ZNF469: variants seen among roughly 807,000 people sequenced by gnomAD.
ZNF469 encodes the protein zinc finger protein 469.
In ZNF469, 1 loss-of-function variant was observed where a neutral mutation model predicts 1.0. The observed-to-expected ratio is 1.00, with a 90% confidence interval of 0.35 to 4.73. The LOEUF (loss-of-function observed/expected upper bound fraction) is 4.73, where lower values mean the gene tolerates loss of function less well. ZNF469 is among the 30% of genes most tolerant of loss of function. The pLI is 0.16. For synonymous variants in ZNF469, 2,703 were observed against 2,363.4 expected, an observed-to-expected ratio of 1.14 and a Z score of -4.17; for missense variants, 6,100 against 5,356.3, an observed-to-expected ratio of 1.14 and a Z score of -4.33.
the ZNF469 span, among the ~76,000 whole-genome samples, chr16:88,345,995 T>TAA: frequency 6.6e-6 from 1 of 152,196 alleles, no homozygotes; most frequent in Non-Finnish European, 1.5e-5. Flanking sequence ...CCCATTATTC[T>TAA]TGGCGGGGGC....
chr16:88,244,393 GTGGATGGATGGATGGA>G, the ZNF469 span, among the ~76,000 whole-genome samples: 20 of 131,246 alleles, frequency 1.5e-4, no homozygotes, highest in African/African-American at 5.0e-4. Flanking sequence ...GAATGCATGG[GTGGATGGATGGATGGA>G]TGGATGGATG....
chr16:88,369,533 C>T, the ZNF469 span, among the ~76,000 whole-genome samples: 1 of 152,228 alleles, frequency 6.6e-6, no homozygotes, highest in Non-Finnish European at 1.5e-5. Flanking sequence ...CAGCCCATTG[C>T]CCATTGCTAT....
At chr16:88,204,714 C>A in the ZNF469 span, among the ~76,000 whole-genome samples, 3 of 152,212 alleles carry the variant, frequency 2.0e-5, no homozygotes, top group African/African-American at 7.2e-5. Context: ...TGGTCACAGC[C>A]GTCTCCGCTG....
At chr16:88,325,081 A>C in the ZNF469 span, among the ~76,000 whole-genome samples, 2 of 150,470 alleles carry the variant, frequency 1.3e-5, no homozygotes. Flanking sequence ...CTTCTGGTTG[A>C]GATCACATCC....
At chr16:88,295,598 C>G in the ZNF469 span, among the ~76,000 whole-genome samples, 3 of 152,130 alleles carry the variant, frequency 2.0e-5, no homozygotes, top group Non-Finnish European at 1.5e-5. Flanking sequence ...GATTAGAGGG[C>G]TATCTGAAAG....
chr16:88,215,257 C>G, the ZNF469 span, among the ~76,000 whole-genome samples: 2 of 151,762 alleles, frequency 1.3e-5, no homozygotes, highest in Non-Finnish European at 2.9e-5. Context: ...TTTGAGCCAT[C>G]TCTTTTATAC....
the ZNF469 span, among the ~76,000 whole-genome samples, chr16:88,199,796 A>G: frequency 2.0e-5 from 3 of 152,170 alleles, no homozygotes; most frequent in Non-Finnish European, 4.4e-5. Flanking sequence ...CCAGGGACTC[A>G]GCGTCCCCAC....
chr16:88,383,926 G>C (rs1377454032), intron 1 of ZNF469, among the ~76,000 whole-genome samples: 1 of 152,150 alleles, frequency 6.6e-6, no homozygotes, highest in Admixed American at 6.5e-5. Flanking sequence ...GGCGCCCCGC[G>C]TGGCGGCGGC....
the ZNF469 span, among the ~76,000 whole-genome samples, chr16:88,116,647 AAAAC>A: frequency 3.3e-5 from 5 of 152,248 alleles, no homozygotes; most frequent in African/African-American, 9.6e-5. Flanking sequence ...CTCAGCCGTG[AAAAC>A]AAACAGACCA....
the ZNF469 span, among the ~76,000 whole-genome samples, chr16:88,267,817 T>A: frequency 1.3e-5 from 2 of 152,218 alleles, no homozygotes; most frequent in Middle Eastern, 3.4e-3. Context: ...AATGCAGCGA[T>A]GAGTGTCCAG....
At chr16:88,420,106 A>C (rs1354611869) in intron 1 of ZNF469, among the ~76,000 whole-genome samples, 1 of 152,180 alleles carries the variant, frequency 6.6e-6, no homozygotes, top group Non-Finnish European at 1.5e-5. Context: ...GGGCACATGC[A>C]CCAGGCCCCA....
the ZNF469 span, among the ~76,000 whole-genome samples, chr16:88,111,897 A>C: frequency 1.3e-5 from 2 of 152,154 alleles, no homozygotes; most frequent in African/African-American, 4.8e-5. Flanking sequence ...GGCCTCCCAA[A>C]GTGCTGGGAT....
chr16:88,212,109 G>A, the ZNF469 span, among the ~76,000 whole-genome samples: 19 of 152,242 alleles, frequency 1.2e-4, no homozygotes, highest in Admixed American at 5.9e-4. Flanking sequence ...TCCTCTTAAA[G>A]TTGCCTGCTA....
chr16:88,395,235 GTAGATGGA>G (rs749184570), intron 1 of ZNF469, among the ~76,000 whole-genome samples: 15,782 of 138,390 alleles, frequency 0.11, 1,659 homozygotes, highest in African/African-American at 0.18. Flanking sequence ...GGGTGGATGG[GTAGATGGA>G]TGGATGGATG....
the ZNF469 span, among the ~76,000 whole-genome samples, chr16:88,315,899 G>A: frequency 2.6e-5 from 4 of 152,120 alleles, no homozygotes; most frequent in Non-Finnish European, 5.9e-5. Flanking sequence ...ACAGGGCCTC[G>A]CCCGCCCAGG....
At position 88,429,432 on chromosome 16, in the gene ZNF469, C is replaced by A; in HGVS notation, c.1962C>A (p.Pro654=). 1 of 1,542,780 alleles carries A rather than the reference C, an allele frequency of 6.5e-7. No homozygotes were observed. Residue 654 remains proline, a synonymous_variant, in exon 3 of 3, where the codon CCC becomes CCA. Coordinates refer to ENST00000565624, the MANE Select transcript of ZNF469 (RefSeq NM_001367624.2). ...TGSPFPSPEP[P]HSLPTHYQPE... is the part of the protein sequence containing the mutation. ...GCCCCTTCCCGTCCCCGGAGCCCCC[C>A]CACTCCCTCCCCACCCACTACCAGC...
At position 88,436,166 on chromosome 16, in the gene ZNF469, G is replaced by C; in HGVS notation, c.8696G>C (p.Gly2899Ala). 1 of 1,547,678 alleles carries C rather than the reference G, an allele frequency of 6.5e-7. No homozygotes were observed. The highest frequency in any genetic ancestry group is 8.7e-7 in the Non-Finnish European group (1 of 1,146,974). ...ACCCAGCCCAGCTTTGAGGAGGGCG[G>C]TGACCCCACGCTGGGCCCAGCCCGC... ...LPTQPSFEEG[G>A]DPTLGPARLP... The change falls in exon 3 of 3, where the codon GGT (glycine) becomes GCT (alanine). Residue 2899 changes from glycine to alanine, a missense_variant. Physicochemically the swap from Gly to Ala is moderately conservative, Grantham distance 60 (BLOSUM62 0). Transcript: ENST00000565624.
chr16:88,248,990 G>T, the ZNF469 span, among the ~76,000 whole-genome samples: 1 of 152,124 alleles, frequency 6.6e-6, no homozygotes, highest in Non-Finnish European at 1.5e-5. Context: ...CTCCCTCTGT[G>T]ACTGTGTGTC....
the ZNF469 span, among the ~76,000 whole-genome samples, chr16:88,298,560 C>T: frequency 4.9e-3 from 749 of 152,240 alleles, 8 homozygotes; most frequent in African/African-American, 0.017. Flanking sequence ...TCTCCTGAGG[C>T]GTGGAGAGGA....
Sources: allele counts gnomAD v4.1 joint callset (sites outside exome capture counted in the v4.1 genomes callset), GRCh38; gene constraint gnomAD v4.1.1; transcripts MANE v1.5; gene names NCBI Gene and HGNC (gene_info 2026-07-23, HGNC 2026-07-21).